Variants in TTC9 observed in about 807,000 individuals in gnomAD.
TTC9 encodes tetratricopeptide repeat domain 9.
TTC9 carries 13 observed loss-of-function variants against 22.9 expected under a neutral mutation model. The ratio of observed to expected loss-of-function variants is 0.57; its 90% confidence interval spans 0.37 to 0.90. The LOEUF (loss-of-function observed/expected upper bound fraction) is 0.90. Among genes scored for constraint, TTC9 ranks in the 40% least tolerant of loss-of-function variants. TTC9 has a pLI of 0.01. For synonymous variants in TTC9, 148 were observed against 133.2 expected (o/e 1.11, Z -0.77); for missense variants, 280 against 291.8 (o/e 0.96, Z 0.29).
intron 1 of TTC9, among the ~76,000 whole-genome samples, chr14:70,655,428 A>G (rs1008345663): frequency 3.3e-5 from 5 of 151,832 alleles, no homozygotes; most frequent in Non-Finnish European, 5.9e-5. Context: ...AACAAAGAAG[A>G]AGGTAAAACT....
intron 1 of TTC9, among the ~76,000 whole-genome samples, chr14:70,665,126 T>G (rs997922628): frequency 6.6e-6 from 1 of 152,236 alleles, no homozygotes; most frequent in Non-Finnish European, 1.5e-5. Context: ...ATTTGTTAAA[T>G]GGTCCTTTTC....
At chr14:70,648,171 G>A (rs17176552) in intron 1 of TTC9, among the ~76,000 whole-genome samples, 29,620 of 152,128 alleles carry the variant, frequency 0.19, 3,377 homozygotes, top group Admixed American at 0.28. Flanking sequence ...TTGCCATCCC[G>A]ATGGGAGAGC....
In TTC9 at chr14:70,672,259, T is replaced by C. The variant is rs559741921; in HGVS notation, c.*1104T>C. The C allele has an allele frequency of 5.2e-5, 8 of 152,386 alleles. No individual in the cohort carries two copies. Among genetic ancestry groups the C allele is most frequent in the African/African-American group, 1.9e-4 (8 of 41,598 alleles). 9.4% of individuals were successfully genotyped at this position (152,386 alleles called of 1,614,324 possible). A position where few individuals can be genotyped will look rare whatever the true frequency, so the allele number is the denominator to read the frequency against. ...TGTCAGAACTTGTACAATCTTCTTT[T>C]GATGAAATTATCTGAACTCAACATC... On this transcript the variant is annotated 3_prime_UTR_variant, in exon 3 of 3. Coordinates refer to ENST00000256367, the MANE Select transcript of TTC9 (RefSeq NM_015351.2).
In TTC9 at chr14:70,670,114, T is replaced by C. The variant is rs182209114; in HGVS notation, c.590-962T>C. Among the ~76,000 whole-genome samples the C allele has an allele frequency of 8.5e-5, 13 of 152,362 alleles. No homozygotes were observed. The East Asian group carries it at 2.5e-3, about 29-fold the overall frequency. ...TTTGTTGATCATTGTTTTAAGCACTTTTAGACTTACCTATTTTGGGCTTCA... is the reference window on the plus strand; with the variant it reads ...TTTGTTGATCATTGTTTTAAGCACTCTTAGACTTACCTATTTTGGGCTTCA... On this transcript the variant is annotated intron_variant, in intron 2 of 2. Coordinates refer to ENST00000256367, the MANE Select transcript of TTC9 (RefSeq NM_015351.2).
At chr14:70,654,587 C>CAAAAAAAAAAAAAAAAAAAAA (rs61046584) in intron 1 of TTC9, among the ~76,000 whole-genome samples, 11 of 57,158 alleles carry the variant, frequency 1.9e-4, no homozygotes, top group South Asian at 5.5e-4. Context: ...GGCTCTGTCT[C>CAAAAAAAAAAAAAAAAAAAAA]AAAAAAAAAA....
intron 2 of TTC9, 46 bp downstream of exon 2, chr14:70,667,792 G>T: frequency 1.3e-6 from 2 of 1,535,650 alleles, no homozygotes; most frequent in Non-Finnish European, 1.8e-6. Context: ...TGCTCTGGTG[G>T]CTCCTGGGAC....
chr14:70,674,626 C>G lies in TTC9; in HGVS notation c.*3471C>G, dbSNP rs1406762866. 2.0e-5 allele frequency: 3 copies of G among 152,184 alleles called. No homozygotes were observed. Among genetic ancestry groups the G allele is most frequent in the Non-Finnish European group, 4.4e-5 (3 of 68,032 alleles). The allele number at this position is 152,184 out of a possible 1,614,324, so 9.4% of individuals were successfully genotyped here. On this transcript the variant is annotated 3_prime_UTR_variant, in exon 3 of 3. Transcript: ENST00000256367. ...AGTTTCCCTCTAATTTATTTTGCAT[C>G]CTAGTGGAGATGCTTACACATTGTC...
chr14:70,669,628 A>G (rs1374324238), intron 2 of TTC9, among the ~76,000 whole-genome samples: 4 of 152,050 alleles, frequency 2.6e-5, no homozygotes, highest in Admixed American at 6.6e-5. Context: ...AGTCTTTAAA[A>G]AACTTTAGAA....
intron 1 of TTC9, among the ~76,000 whole-genome samples, chr14:70,656,023 C>T (rs1334286032): frequency 6.6e-6 from 1 of 152,034 alleles, no homozygotes; most frequent in Admixed American, 6.6e-5. Flanking sequence ...GTCTGGGCAT[C>T]TTTTCATCTA....
intron 1 of TTC9, among the ~76,000 whole-genome samples, chr14:70,642,747 A>G (rs539087629): frequency 6.6e-6 from 1 of 152,330 alleles, no homozygotes; most frequent in East Asian, 1.9e-4. Flanking sequence ...GCTAGCATAC[A>G]TCGTAAATCT....
chr14:70,642,645 C>T, intron 1 of TTC9, 110 bp downstream of exon 1: 1 of 1,098,322 alleles, frequency 9.1e-7, no homozygotes, highest in African/African-American at 1.7e-5. Flanking sequence ...GACTGTGTTG[C>T]TCTGGGGAGA....
intron 1 of TTC9, among the ~76,000 whole-genome samples, chr14:70,652,427 C>T (rs776224507): frequency 6.6e-6 from 1 of 152,152 alleles, no homozygotes; most frequent in South Asian, 2.1e-4. Flanking sequence ...TATCTGGGCC[C>T]TGGAATCTAA....
intron 1 of TTC9, among the ~76,000 whole-genome samples, chr14:70,643,007 G>A (rs995478229): frequency 6.6e-6 from 1 of 152,236 alleles, no homozygotes; most frequent in African/African-American, 2.4e-5. Flanking sequence ...CTGTAGGTAA[G>A]ATCTTCCCCA....
At chr14:70,667,525 C>T in intron 1 of TTC9, 39 bp from the exon 2 acceptor site, 1 of 1,610,802 alleles carries the variant, frequency 6.2e-7, no homozygotes, top group Admixed American at 1.7e-5. Context: ...GAGCTGGCCA[C>T]TGTTGTGCTG....
chr14:70,653,968 CCCA>C (rs1037760171), intron 1 of TTC9, among the ~76,000 whole-genome samples: 6 of 152,166 alleles, frequency 3.9e-5, no homozygotes, highest in Admixed American at 3.9e-4. Context: ...GACTGCCCCA[CCCA>C]CCCTCTTGTG....
chr14:70,663,462 G>A (rs1306151537), intron 1 of TTC9, among the ~76,000 whole-genome samples: 1 of 152,194 alleles, frequency 6.6e-6, no homozygotes, highest in African/African-American at 2.4e-5. Flanking sequence ...ACATCCTCAT[G>A]TAACAAAAAA....
chr14:70,653,512 A>G (rs1194095296), intron 1 of TTC9, among the ~76,000 whole-genome samples: 1 of 152,236 alleles, frequency 6.6e-6, no homozygotes, highest in East Asian at 1.9e-4. Context: ...ACAGAGTTCC[A>G]CCATGACCAA....
At position 70,642,544 on chromosome 14, in the gene TTC9, C is replaced by G. The variant is rs1249056805; in HGVS notation, c.406+9C>G. The stretch of plus-strand genomic sequence containing the variant: ...TTACAACAGCCTGGCAGGTGAGCCG[C>G]GCCGCGCCCCCCGCGCCGCGGTCCC... On this transcript the variant is annotated intron_variant, in intron 1 of 2. Coordinates refer to ENST00000256367, the MANE Select transcript of TTC9 (RefSeq NM_015351.2). The G allele has an allele frequency of 6.5e-7, 1 of 1,532,612 alleles. No individual in the cohort carries two copies. The highest frequency in any genetic ancestry group is 2.0e-5 in the Admixed American group (1 of 49,692). 94.9% of individuals were successfully genotyped at this position (1,532,612 alleles called of 1,614,324 possible).
Position 70,672,897 on chromosome 14 carries a change from A to G in TTC9, c.*1742A>G, listed in dbSNP as rs776137576. 2 of 152,222 alleles carry G rather than the reference A, an allele frequency of 1.3e-5. No homozygotes were observed. The highest frequency in any genetic ancestry group is 2.9e-5 in the Non-Finnish European group (2 of 68,046). The allele number at this position is 152,222 out of a possible 1,614,324, so 9.4% of individuals were successfully genotyped here. ...TCTGGCTAGTATCTATGCTATACTT[A>G]GTTGCCTCTCTGTAAGTATAATATT... On this transcript the variant is annotated 3_prime_UTR_variant, in exon 3 of 3. Coordinates refer to ENST00000256367, the MANE Select transcript of TTC9 (RefSeq NM_015351.2).
Sources: allele counts gnomAD v4.1 joint callset (sites outside exome capture counted in the v4.1 genomes callset), GRCh38; gene constraint gnomAD v4.1.1; transcripts MANE v1.5; gene names NCBI Gene and HGNC (gene_info 2026-07-23, HGNC 2026-07-21).